The following TPO variants were observed in gnomAD, a reference collection of about 807,000 sequenced individuals.
TPO encodes thyroid peroxidase.
In TPO, 78 loss-of-function variants were observed where a neutral mutation model predicts 96.9. The ratio of observed to expected loss-of-function variants is 0.81; its 90% CI spans 0.67 to 0.97. The LOEUF is 0.97. TPO is among the 50% of genes least tolerant of loss of function. The probability of loss-of-function intolerance (pLI) is 0.00; values close to 1 mark genes in which losing one functional copy is unlikely to be tolerated. For missense variants in TPO, 1,252 were observed against 1,274.8 expected, an observed-to-expected ratio of 0.98 and a Z score of 0.27; for synonymous variants, 547 against 538.0, an observed-to-expected ratio of 1.02 and a Z score of -0.23.
intron 15 of TPO, among the ~76,000 whole-genome samples, chr2:1,528,668 G>A (rs1157588924): frequency 1.6e-5 from 2 of 122,562 alleles, no homozygotes; most frequent in African/African-American, 6.8e-5. Flanking sequence ...CCACCACTGT[G>A]TGCAACCTCC....
In TPO at chr2:1,542,796, T is replaced by A; in HGVS notation, c.*322T>A. The A allele has an allele frequency of 5.2e-6, 3 of 578,902 alleles. No individual in the cohort carries two copies. The highest frequency in any genetic ancestry group is 2.0e-5 in the South Asian group (1 of 51,106). 35.9% of individuals were successfully genotyped at this position (578,902 alleles called of 1,614,324 possible). ...CCTCCTGTCTCCACCTTCTGGCATC[T>A]CTGATGCCGTGCTCGTCTGCACTCT... On this transcript the variant is annotated 3_prime_UTR_variant, in exon 17 of 17. Coordinates refer to ENST00000329066, the MANE Select transcript of TPO (RefSeq NM_001206744.2).
At position 1,443,977 on chromosome 2, in the gene TPO, G is replaced by A. The variant is rs28437604; in HGVS notation, c.482+7593G>A. On this transcript the variant is annotated intron_variant, in intron 5 of 16. Coordinates refer to ENST00000329066, the MANE Select transcript of TPO (RefSeq NM_001206744.2). ...TGTTGGAAGGGAACGGGGCAGGCTC[G>A]TTCTTGTTTGTATGATCCAATCACT... is the stretch of plus-strand genomic sequence containing the variant. Among the ~76,000 whole-genome samples, 71 of 109,056 alleles carry A rather than the reference G, an allele frequency of 6.5e-4. 1 individual carries two copies. In the South Asian group the frequency reaches 9.0e-3, roughly 14 times the overall value. 71.5% of individuals were successfully genotyped at this position (109,056 alleles called of 152,430 possible). A position where few individuals can be genotyped will look rare whatever the true frequency, so the allele number is the denominator to read the frequency against.
chr2:1,451,381 A>G (rs557071878), intron 5 of TPO, among the ~76,000 whole-genome samples: 2 of 152,344 alleles, frequency 1.3e-5, no homozygotes, highest in South Asian at 4.1e-4. Context: ...GTAATTTATG[A>G]CAAAACCACT....
At chr2:1,462,004 C>G (rs1668490789) in intron 7 of TPO, among the ~76,000 whole-genome samples, 1 of 152,192 alleles carries the variant, frequency 6.6e-6, no homozygotes, top group Non-Finnish European at 1.5e-5. Flanking sequence ...ATGTCACTCT[C>G]CAGTGTCCTC....
intron 5 of TPO, among the ~76,000 whole-genome samples, chr2:1,437,543 C>G (rs1360881443): frequency 6.6e-6 from 1 of 152,090 alleles, no homozygotes; most frequent in Admixed American, 6.5e-5. Context: ...CGACAATGAA[C>G]AGGAATCGGG....
intron 1 of TPO, among the ~76,000 whole-genome samples, chr2:1,403,285 G>A (rs1433888666): frequency 6.6e-6 from 1 of 152,200 alleles, no homozygotes; most frequent in East Asian, 1.9e-4. Context: ...GCTGGACACA[G>A]GCCATGCCCG....
chr2:1,449,903 A>G (rs1667165839), intron 5 of TPO, among the ~76,000 whole-genome samples: 1 of 152,112 alleles, frequency 6.6e-6, no homozygotes, highest in South Asian at 2.1e-4. Flanking sequence ...CAGCTCACAA[A>G]CTGACTGGTC....
chr2:1,529,340 T>A (rs1439594856), intron 15 of TPO, among the ~76,000 whole-genome samples: 2 of 88,120 alleles, frequency 2.3e-5, no homozygotes, highest in African/African-American at 5.3e-5. Context: ...ATTCCCCCAC[T>A]GTGTGCAACC....
At position 1,465,158 on chromosome 2, in the gene TPO, C is replaced by T. The variant is rs1232789251; in HGVS notation, c.819+8876C>T. Among the ~76,000 whole-genome samples, 9 of 152,074 alleles carry T rather than the reference C, an allele frequency of 5.9e-5. No homozygotes were observed. In the South Asian group the frequency reaches 1.5e-3, roughly 25 times the overall value. On this transcript the variant is annotated intron_variant, in intron 7 of 16. Coordinates refer to ENST00000329066, the MANE Select transcript of TPO (RefSeq NM_001206744.2). ...CAGCATCATTTGTTGAATAGGGTGT[C>T]CTTTGCCCACTTTATGTTTTTGTTT... is the stretch of plus-strand genomic sequence containing the variant.
chr2:1,452,178 T>G (rs10170919), intron 5 of TPO, among the ~76,000 whole-genome samples: 141,542 of 152,336 alleles, frequency 0.93, 65,833 homozygotes, highest in South Asian at 0.98. Flanking sequence ...CTTCAAGATT[T>G]AGTTATTTTT....
At chr2:1,403,274 T>C (rs1972113) in intron 1 of TPO, among the ~76,000 whole-genome samples, 82,059 of 152,084 alleles carry the variant, frequency 0.54, 22,358 homozygotes, top group East Asian at 0.64. Flanking sequence ...GCGGGGGCTC[T>C]GCTGGACACA....
chr2:1,417,222 G>A (rs1663056431), intron 2 of TPO, among the ~76,000 whole-genome samples: 1 of 139,708 alleles, frequency 7.2e-6, no homozygotes, highest in South Asian at 2.5e-4. Flanking sequence ...CCAGTGCCGT[G>A]ACTCACATCT....
chr2:1,388,126 G>T (rs1029204709), intron 1 of TPO, among the ~76,000 whole-genome samples: 3 of 152,178 alleles, frequency 2.0e-5, no homozygotes, highest in African/African-American at 7.2e-5. Flanking sequence ...CCCTACTCGG[G>T]GGTGCCTCCC....
Position 1,377,521 on chromosome 2 carries a change from T to G in TPO, n.180+3119T>G, listed in dbSNP as rs149961700. 2.7e-4 allele frequency among the ~76,000 whole-genome samples: 41 copies of G among 152,284 alleles called. No homozygotes were observed. The East Asian group carries it at 7.5e-3, about 28-fold the overall frequency. On this transcript the variant is annotated intron_variant and non_coding_transcript_variant, in intron 1 of 5. Transcript: ENST00000497517. ...TTTATGGAGAGGAATTTTCTGCACC[T>G]TCACAAGAGCTCAAAATGAACCCAG...
At chr2:1,449,063 C>T (rs1667090053) in intron 5 of TPO, among the ~76,000 whole-genome samples, 1 of 152,174 alleles carries the variant, frequency 6.6e-6, no homozygotes. Context: ...GTGGAGTTCA[C>T]GTTCTGTCCA....
chr2:1,496,800 C>T, intron 13 of TPO, 35 bp downstream of exon 13: 1 of 1,613,258 alleles, frequency 6.2e-7, no homozygotes, highest in Non-Finnish European at 8.5e-7. Flanking sequence ...TACAAAACAT[C>T]TGAATGTTTC....
At position 1,436,400 on chromosome 2, in the gene TPO, T is replaced by C. The variant is rs748263651; in HGVS notation, c.482+16T>C. On this transcript the variant is annotated intron_variant, in intron 5 of 16. Coordinates refer to ENST00000329066, the MANE Select transcript of TPO (RefSeq NM_001206744.2). Reference sequence around the variant, plus strand: ...GCAACAACAGGTATTGTTTGTGGATTTTCTTAATCTTCTCGTGAAAGTTGG... The same window carrying C: ...GCAACAACAGGTATTGTTTGTGGATCTTCTTAATCTTCTCGTGAAAGTTGG... The C allele has an allele frequency of 1.2e-6, 2 of 1,614,128 alleles. No individual in the cohort carries two copies. The highest frequency in any genetic ancestry group is 1.7e-6 in the Non-Finnish European group (2 of 1,180,020).
intron 15 of TPO, among the ~76,000 whole-genome samples, chr2:1,526,953 C>CT (rs1676674657): frequency 6.7e-6 from 1 of 150,206 alleles, no homozygotes; most frequent in African/African-American, 2.5e-5. Flanking sequence ...CACAAATCCC[C>CT]CACACTCTGT....
At chr2:1,376,386 C>T (rs374710743) in intron 1 of TPO, among the ~76,000 whole-genome samples, 12 of 152,268 alleles carry the variant, frequency 7.9e-5, no homozygotes, top group East Asian at 7.7e-4. Context: ...TTGTTAAATA[C>T]GTTATGAAGA....
Sources: allele counts gnomAD v4.1 joint callset (sites outside exome capture counted in the v4.1 genomes callset), GRCh38; gene constraint gnomAD v4.1.1; transcripts MANE v1.5; gene names NCBI Gene and HGNC (gene_info 2026-07-23, HGNC 2026-07-21).